The following PTPRK variants were observed in gnomAD, a reference collection of about 807,000 sequenced individuals.
PTPRK encodes the protein receptor-type tyrosine-protein phosphatase kappa.
Under a neutral mutation model 178.0 loss-of-function variants are expected in PTPRK, and 75 were observed. The ratio of observed to expected loss-of-function variants is 0.42; its 90% CI spans 0.35 to 0.51. The LOEUF is 0.51. PTPRK is among the 20% of genes least tolerant of loss of function. The pLI is 0.02. For missense variants in PTPRK, 1,441 were observed against 1,797.8 expected (o/e 0.80, Z 3.59); for synonymous variants, 637 against 620.6 (o/e 1.03, Z -0.39).
Position 128,233,669 on chromosome 6 carries a change from C to CTGACTCTCCTGTTT in PTPRK, c.693+6352_693+6365dup, listed in dbSNP as rs1488403410. On this transcript the variant is annotated intron_variant, in intron 5 of 29. Transcript: ENST00000368226. ...AGCCTCACCAAGGGCGAAGCGGTGGCTGACTCTCCTGTTTTGGCAGGCCCA... is the reference window on the plus strand; with the variant it reads ...AGCCTCACCAAGGGCGAAGCGGTGGCTGACTCTCCTGTTTTGACTCTCCTGTTTTGGCAGGCCCA... Among the ~76,000 whole-genome samples, 9 of 152,238 alleles carry CTGACTCTCCTGTTT rather than the reference C, an allele frequency of 5.9e-5. No individual in the cohort carries two copies. In the East Asian group the frequency reaches 1.7e-3, roughly 29 times the overall value.
intron 7 of PTPRK, among the ~76,000 whole-genome samples, chr6:128,110,989 G>A (rs866977951): frequency 4.6e-5 from 7 of 152,064 alleles, no homozygotes; most frequent in Non-Finnish European, 1.0e-4. Context: ...ATATCACCAC[G>A]TCTGATGGTG....
chr6:128,172,715 G>A (rs1800467588), intron 7 of PTPRK, among the ~76,000 whole-genome samples: 1 of 150,800 alleles, frequency 6.6e-6, no homozygotes, highest in Non-Finnish European at 1.5e-5. Context: ...ATATATGTAT[G>A]TATATGATAT....
chr6:128,172,084 T>G (rs1278230137), intron 7 of PTPRK, among the ~76,000 whole-genome samples: 1 of 151,920 alleles, frequency 6.6e-6, no homozygotes, highest in African/African-American at 2.4e-5. Context: ...ATTTACAAAA[T>G]TATAATTATA....
At chr6:127,998,382 A>G (rs1777411360) in intron 16 of PTPRK, among the ~76,000 whole-genome samples, 3 of 152,124 alleles carry the variant, frequency 2.0e-5, no homozygotes, top group African/African-American at 7.2e-5. Flanking sequence ...AGAATCTGCA[A>G]TGGAACAATG....
intron 7 of PTPRK, among the ~76,000 whole-genome samples, chr6:128,118,705 A>G (rs1791970031): frequency 6.6e-6 from 1 of 152,252 alleles, no homozygotes; most frequent in South Asian, 2.1e-4. Context: ...TACCAGTATT[A>G]AAATTGATCC....
chr6:128,432,490 T>A (rs1444727893), intron 1 of PTPRK, among the ~76,000 whole-genome samples: 2 of 152,236 alleles, frequency 1.3e-5, no homozygotes, highest in Non-Finnish European at 2.9e-5. Context: ...ACATGCTTTA[T>A]ATAAAACTGT....
chr6:128,291,753 T>G (rs747168735), intron 3 of PTPRK, among the ~76,000 whole-genome samples: 9 of 152,138 alleles, frequency 5.9e-5, no homozygotes, highest in Admixed American at 1.3e-4. Flanking sequence ...TATGTTGTGT[T>G]TGTTTGGCAT....
intron 6 of PTPRK, among the ~76,000 whole-genome samples, chr6:128,202,502 GA>G (rs1332501460): frequency 6.6e-6 from 1 of 152,124 alleles, no homozygotes; most frequent in African/African-American, 2.4e-5. Context: ...ATACTCCTAG[GA>G]GCGGGGCTGA....
intron 1 of PTPRK, among the ~76,000 whole-genome samples, chr6:128,495,608 C>G (rs1472455452): frequency 6.6e-6 from 1 of 152,182 alleles, no homozygotes; most frequent in Non-Finnish European, 1.5e-5. Flanking sequence ...CTTCTCTCAC[C>G]CTACAGTCAC....
At chr6:128,017,100 C>T (rs1779671833) in intron 13 of PTPRK, among the ~76,000 whole-genome samples, 1 of 151,948 alleles carries the variant, frequency 6.6e-6, no homozygotes, top group Admixed American at 6.6e-5. Context: ...TAAATTCTAG[C>T]TAATAAATTA....
At chr6:128,351,030 A>G (rs1833050990) in intron 2 of PTPRK, among the ~76,000 whole-genome samples, 1 of 152,232 alleles carries the variant, frequency 6.6e-6, no homozygotes, top group Non-Finnish European at 1.5e-5. Context: ...AAGTGAGGCA[A>G]AGCCTGAAAT....
chr6:128,375,113 C>T (rs1836867538), intron 2 of PTPRK, among the ~76,000 whole-genome samples: 1 of 141,190 alleles, frequency 7.1e-6, no homozygotes. Context: ...TATCCTTTTC[C>T]CCATCAAGGT....
In PTPRK at chr6:128,341,138, AT is replaced by A. The variant is rs536037715; in HGVS notation, c.224-18829del. Among the ~76,000 whole-genome samples the A allele has an allele frequency of 2.0e-4, 31 of 151,940 alleles. No homozygotes were observed. The South Asian group carries it at 5.2e-3, about 25-fold the overall frequency. ...TGGTATGTGTTATTTGCCACATTTGATTTTTTTTCTATATGTACTCTAAAAT... is the reference window on the plus strand; with the variant it reads ...TGGTATGTGTTATTTGCCACATTTGATTTTTTTCTATATGTACTCTAAAAT... On this transcript the variant is annotated intron_variant, in intron 2 of 29. Transcript: ENST00000368226.
chr6:128,465,015 T>C (rs1849673581), intron 1 of PTPRK, among the ~76,000 whole-genome samples: 1 of 151,528 alleles, frequency 6.6e-6, no homozygotes, highest in African/African-American at 2.4e-5. Context: ...TACACTATTC[T>C]GATGTATTAA....
At chr6:128,438,063 C>T (rs1301236904) in intron 1 of PTPRK, among the ~76,000 whole-genome samples, 1 of 152,242 alleles carries the variant, frequency 6.6e-6, no homozygotes, top group African/African-American at 2.4e-5. Context: ...ATTTCAATCA[C>T]CATTTGGATG....
At chr6:128,354,544 T>A (rs866064869) in intron 2 of PTPRK, among the ~76,000 whole-genome samples, 61 of 152,180 alleles carry the variant, frequency 4.0e-4, no homozygotes, top group African/African-American at 1.5e-3. Flanking sequence ...CTCCTTTACA[T>A]GTTTAATGTT....
At chr6:128,286,403 C>A (rs148408954) in intron 3 of PTPRK, among the ~76,000 whole-genome samples, 1 of 152,012 alleles carries the variant, frequency 6.6e-6, no homozygotes, top group Non-Finnish European at 1.5e-5. Context: ...TTATATTAAT[C>A]TTTTTTCACA....
intron 3 of PTPRK, among the ~76,000 whole-genome samples, chr6:128,243,408 C>T (rs541603774): frequency 2.8e-5 from 4 of 142,872 alleles, no homozygotes; most frequent in Non-Finnish European, 6.0e-5. Flanking sequence ...AATCCTAACA[C>T]TTTGGGAGGC....
intron 5 of PTPRK, among the ~76,000 whole-genome samples, chr6:128,236,679 T>A (rs1339404857): frequency 1.3e-5 from 2 of 152,090 alleles, no homozygotes; most frequent in Non-Finnish European, 2.9e-5. Context: ...ATGTACCGCA[T>A]AACATATTTT....
Sources: gnomAD v4.1 joint callset for allele counts (sites outside exome capture counted in the v4.1 genomes callset) on GRCh38, gnomAD v4.1.1 for gene constraint, MANE v1.5 for transcripts, NCBI Gene and HGNC (gene_info 2026-07-23, HGNC 2026-07-21) for gene names.